Variants in ZFHX2 observed in about 807,000 individuals in gnomAD.
ZFHX2 encodes zinc finger homeobox 2, also known as zinc finger homeobox protein 2.
ZFHX2 carries 75 observed loss-of-function variants against 164.8 expected under a neutral mutation model. That is an observed-to-expected ratio of 0.46 (90% CI 0.38 to 0.55). The LOEUF (loss-of-function observed/expected upper bound fraction) is 0.55. Among genes scored for constraint, ZFHX2 ranks in the 20% least tolerant of loss-of-function variants. The pLI is 0.00. For synonymous variants in ZFHX2, 1,217 were observed against 1,351.4 expected, an observed-to-expected ratio of 0.90 and a Z score of 2.18; for missense variants, 2,933 against 3,308.0, an observed-to-expected ratio of 0.89 and a Z score of 2.78.
rs1489573078 is a variant in ZFHX2 at position 23,526,226 on chromosome 14, G to A, written c.3716C>T (p.Thr1239Ile). Residue 1239 changes from threonine (T) to isoleucine (I), a missense_variant, in exon 9 of 10, where the codon ACC becomes ATC. By Grantham distance (89) the Thr-to-Ile change is moderately conservative. Coordinates refer to ENST00000419474, the MANE Select transcript of ZFHX2 (RefSeq NM_033400.3). ...GGGCTTGTCTGTGGCAGCAGTGGTG[G>A]TGGGTGGGGCACCGGCCTCTCCCCG... The part of the protein sequence containing the change: ...PARGEAGAPP[T>I]TTAATDKPFK... 1.1e-5 allele frequency: 17 copies of A among 1,536,262 alleles called. No homozygotes were observed. Among genetic ancestry groups the A allele is most frequent in the Non-Finnish European group, 1.2e-5 (14 of 1,146,920 alleles).
chr14:23,546,090 G>A lies in ZFHX2; in HGVS notation c.-50+5253C>T, dbSNP rs1354804059. Among the ~76,000 whole-genome samples the A allele has an allele frequency of 1.3e-5, 2 of 152,146 alleles. No homozygotes were observed. The highest frequency in any genetic ancestry group is 2.9e-5 in the Non-Finnish European group (2 of 68,036). ...TGTGCATACATGAAGTTAAATTCCT[G>A]CCTACACCCATTCTGCCCCACTGAC... On this transcript the variant is annotated intron_variant, in intron 1 of 9. Transcript: ENST00000419474. This position sits in a 1 kb window ranked among gnomAD's most constrained non-coding sequence, Gnocchi z 4.7.
chr14:23,527,502 C>A (rs1878892411), intron 7 of ZFHX2, 102 bp downstream of exon 7: 12 of 1,432,642 alleles, frequency 8.4e-6, no homozygotes, highest in Admixed American at 4.0e-5. Context: ...ATGCCCCCTG[C>A]CCCCAACACA....
chr14:23,531,781 C>CTT (rs757963386), intron 3 of ZFHX2, 60 bp from the exon 4 acceptor site: 671 of 1,072,178 alleles, frequency 6.3e-4, no homozygotes, highest in South Asian at 1.3e-3. Context: ...CCTCAGGGGA[C>CTT]TTTTTTTTTT....
rs1879877418 is a variant in ZFHX2 at position 23,533,998 on chromosome 14, AGGGACATGT to A, written c.1319_1327del (p.His440_Ser442del). On this transcript the variant is annotated inframe_deletion, in exon 2 of 10. Coordinates refer to ENST00000419474, the MANE Select transcript of ZFHX2 (RefSeq NM_033400.3). The surrounding 1 kb of genome is among the most constrained non-coding windows in gnomAD (Gnocchi z 4.8). The stretch of plus-strand genomic sequence containing the variant: ...CTTGCAGGAGTTGCGTGAGTGGAGC[AGGGACATGT>A]GGCTGGACAGGCTGAGGCCCTGGAA... 6.5e-7 allele frequency: 1 copy of A among 1,537,202 alleles called. No homozygotes were observed. Among genetic ancestry groups the A allele is most frequent in the African/African-American group, 1.4e-5 (1 of 72,996 alleles).
chr14:23,555,334 C>T (rs1595209505), upstream of ZFHX2, among the ~76,000 whole-genome samples: 1 of 152,238 alleles, frequency 6.6e-6, no homozygotes, highest in East Asian at 1.9e-4. Context: ...AGTTCTACAC[C>T]TGACAAAAAC....
upstream of ZFHX2, among the ~76,000 whole-genome samples, chr14:23,552,211 C>A (rs184169019): frequency 2.1e-3 from 320 of 152,114 alleles, 3 homozygotes; most frequent in African/African-American, 7.4e-3. Flanking sequence ...CACACGGTTA[C>A]ATAGTCCCCT....
At chr14:23,548,169 G>T (rs1381128035) in intron 1 of ZFHX2, among the ~76,000 whole-genome samples, 1 of 152,054 alleles carries the variant, frequency 6.6e-6, no homozygotes, top group Admixed American at 6.6e-5. Context: ...TTCACATTCT[G>T]TAACTGCCAT....
chr14:23,554,549 A>T (rs796807965), upstream of ZFHX2, among the ~76,000 whole-genome samples: 364 of 135,658 alleles, frequency 2.7e-3, 2 homozygotes, highest in Admixed American at 3.5e-3. Flanking sequence ...GCTAATTAAA[A>T]TTTTTTTTTT....
At position 23,535,512 on chromosome 14, in the gene ZFHX2, C is replaced by T; in HGVS notation, c.-49-138G>A. 1 of 534,194 alleles carries T rather than the reference C, an allele frequency of 1.9e-6. No individual in the cohort carries two copies. The allele number at this position is 534,194 out of a possible 1,614,324, so 33.1% of individuals were successfully genotyped here. ...ACCACTTTGCTAACCTGAAATTTCA[C>T]TTAGTGTCTAACATGCTTCAAAACT... On this transcript the variant is annotated intron_variant, in intron 1 of 9. Coordinates refer to ENST00000419474, the MANE Select transcript of ZFHX2 (RefSeq NM_033400.3). The surrounding 1 kb of genome is among the most constrained non-coding windows in gnomAD (Gnocchi z 4.5).
chr14:23,538,544 C>CGAT (rs1441944553), intron 1 of ZFHX2, among the ~76,000 whole-genome samples: 1 of 152,140 alleles, frequency 6.6e-6, no homozygotes. Flanking sequence ...AGAGTCATCC[C>CGAT]CTCCTGCCAC....
Position 23,539,559 on chromosome 14 carries a change from C to T in ZFHX2, c.-49-4185G>A, listed in dbSNP as rs552204787. 9.2e-5 allele frequency among the ~76,000 whole-genome samples: 14 copies of T among 152,280 alleles called. No homozygotes were observed. The East Asian group carries it at 1.5e-3, about 17-fold the overall frequency. ...TTAAGGACCGGAGAATTACAAGAGA[C>T]AAAGGGCATGGGCAAAGGAAGGACC... is the stretch of plus-strand genomic sequence containing the variant. On this transcript the variant is annotated intron_variant, in intron 1 of 9. Coordinates refer to ENST00000419474, the MANE Select transcript of ZFHX2 (RefSeq NM_033400.3).
chr14:23,522,444 T>G lies in ZFHX2; in HGVS notation c.7237A>C (p.Thr2413Pro). ...PPPQPPEPTATAPPKPPELPA... is the reference protein window; with the variant it reads ...PPPQPPEPTAPAPPKPPELPA... Reference sequence around the variant, plus strand: ...AGTTCAGGAGGCTTTGGAGGTGCTGTGGCTGTGGGCTCAGGGGGCTGGGGT... The same window carrying G: ...AGTTCAGGAGGCTTTGGAGGTGCTGGGGCTGTGGGCTCAGGGGGCTGGGGT... The change falls in exon 10 of 10, where the codon ACA (threonine) becomes CCA (proline). Residue 2413 changes from threonine to proline, a missense_variant. Coordinates refer to ENST00000419474, the MANE Select transcript of ZFHX2 (RefSeq NM_033400.3). 6.5e-7 allele frequency: 1 copy of G among 1,536,314 alleles called. No individual in the cohort carries two copies. The highest frequency in any genetic ancestry group is 8.7e-7 in the Non-Finnish European group (1 of 1,146,844).
Position 23,532,756 on chromosome 14 carries a change from G to T in ZFHX2, c.2370C>A (p.Ala790=). The T allele has an allele frequency of 6.5e-7, 1 of 1,536,244 alleles. No homozygotes were observed. Among genetic ancestry groups the T allele is most frequent in the Non-Finnish European group, 8.7e-7 (1 of 1,146,934 alleles). Residue 790 remains alanine (A), a synonymous_variant, in exon 3 of 10, where the codon GCC becomes GCA. Transcript: ENST00000419474. ...DKHAQKYQLA[A]HLREGGGAMG... ...TGGCTCCACCCCCCTCCCGCAGGTG[G>T]GCTGCCAGCTGGTACTTCTGAGCAT...
At chr14:23,527,363 A>G (rs1034655426) in intron 7 of ZFHX2, among the ~76,000 whole-genome samples, 2 of 152,130 alleles carry the variant, frequency 1.3e-5, no homozygotes, top group African/African-American at 2.4e-5. Context: ...CTTCAAATCC[A>G]TGAAATGCTG....
intron 6 of ZFHX2, among the ~76,000 whole-genome samples, chr14:23,528,223 G>T (rs888919047): frequency 6.6e-6 from 1 of 152,146 alleles, no homozygotes; most frequent in African/African-American, 2.4e-5. Flanking sequence ...ACTCCTAATT[G>T]AAGAGGAACT....
upstream of ZFHX2, among the ~76,000 whole-genome samples, chr14:23,554,805 T>C (rs1434573339): frequency 6.6e-6 from 1 of 152,044 alleles, no homozygotes; most frequent in Non-Finnish European, 1.5e-5. Flanking sequence ...TTCTCACCCA[T>C]CATAGGAAGG....
Position 23,521,434 on chromosome 14 carries a change from G to C in ZFHX2, c.*528C>G, listed in dbSNP as rs1019035716. 1 of 154,438 alleles carries C rather than the reference G, an allele frequency of 6.5e-6. No individual in the cohort carries two copies. Among genetic ancestry groups the C allele is most frequent in the Non-Finnish European group, 1.4e-5 (1 of 69,504 alleles). 9.6% of individuals were successfully genotyped at this position (154,438 alleles called of 1,614,324 possible). ...CTAGACAAAGGGTTAGGAAGGAGAAGAGAGAGTGGCGAAGTTTGTTTTCCT... is the reference window on the plus strand; with the variant it reads ...CTAGACAAAGGGTTAGGAAGGAGAACAGAGAGTGGCGAAGTTTGTTTTCCT... On this transcript the variant is annotated 3_prime_UTR_variant, in exon 10 of 10. Transcript: ENST00000419474.
At chr14:23,548,803 G>A (rs2138924738) in intron 1 of ZFHX2, among the ~76,000 whole-genome samples, 1 of 152,280 alleles carries the variant, frequency 6.6e-6, no homozygotes, top group Non-Finnish European at 1.5e-5. Flanking sequence ...GCTTCGCCCA[G>A]TGGTATTCCT....
chr14:23,549,817 T>C lies in ZFHX2; in HGVS notation c.-50+1526A>G, dbSNP rs1244487380. On this transcript the variant is annotated intron_variant, in intron 1 of 9. Transcript: ENST00000419474. Reference sequence around the variant, plus strand: ...CCTGTTTATGTGCCTTCACAAACCATACCCCACACCTCTCCCAGCCCTTTG... The same window carrying C: ...CCTGTTTATGTGCCTTCACAAACCACACCCCACACCTCTCCCAGCCCTTTG... Among the ~76,000 whole-genome samples the C allele has an allele frequency of 3.9e-5, 6 of 152,204 alleles. No individual in the cohort carries two copies. The East Asian group carries it at 9.6e-4, about 24-fold the overall frequency.
Sources: allele counts gnomAD v4.1 joint callset (sites outside exome capture counted in the v4.1 genomes callset), GRCh38; gene constraint gnomAD v4.1.1; non-coding constraint Gnocchi (gnomAD v3.1); transcripts MANE v1.5; gene names NCBI Gene and HGNC (gene_info 2026-07-23, HGNC 2026-07-21).